Variants in ULK4 observed in about 807,000 individuals in gnomAD.
ULK4 encodes inactive serine/threonine-protein kinase ULK4.
A neutral mutation model predicts 160.6 loss-of-function variants in ULK4; 133 were observed. That is an observed-to-expected ratio of 0.83 (90% CI 0.72 to 0.96). ULK4 has a LOEUF of 0.96. Ranked by LOEUF, ULK4 falls within the 40% of genes least tolerant of loss-of-function variation. The pLI is 0.00. For missense variants in ULK4, 1,580 were observed against 1,499.5 expected (o/e 1.05, Z -0.89); for synonymous variants, 534 against 539.8 (o/e 0.99, Z 0.15).
Position 41,789,715 on chromosome 3 carries a change from T to G in ULK4, c.2139A>C (p.Leu713Phe). The G allele has an allele frequency of 6.2e-7, 1 of 1,611,940 alleles. No homozygotes were observed. The highest frequency in any genetic ancestry group is 1.1e-5 in the South Asian group (1 of 90,780). The change falls in exon 21 of 37, where the codon TTA becomes TTC. Residue 713 changes from leucine to phenylalanine, a missense_variant. By Grantham distance (22) the Leu-to-Phe change is conservative. Transcript: ENST00000301831. ...TCCCACAGGACAACATGGCAGCGAA[T>G]AAGGTCAACATGTACTGCTGAACTT... is the stretch of plus-strand genomic sequence containing the variant. ...ICKVQQYMLT[L>F]FAAMLSCGIH...
At chr3:41,606,801 T>A (rs1193586115) in intron 31 of ULK4, among the ~76,000 whole-genome samples, 1 of 152,106 alleles carries the variant, frequency 6.6e-6, no homozygotes, top group Non-Finnish European at 1.5e-5. Flanking sequence ...GCCCATTTTT[T>A]AACTGGATTA....
At chr3:41,609,147 T>A (rs1052293827) in intron 31 of ULK4, among the ~76,000 whole-genome samples, 1 of 152,194 alleles carries the variant, frequency 6.6e-6, no homozygotes, top group Non-Finnish European at 1.5e-5. Flanking sequence ...TTTTAGCTTT[T>A]TTTTTCATTG....
intron 33 of ULK4, among the ~76,000 whole-genome samples, chr3:41,459,690 G>T (rs558268527): frequency 6.6e-6 from 1 of 152,316 alleles, no homozygotes; most frequent in East Asian, 1.9e-4. Context: ...TGGGGACGGG[G>T]TCTACTAGAA....
intron 21 of ULK4, among the ~76,000 whole-genome samples, chr3:41,764,981 T>C (rs570039958): frequency 6.6e-6 from 1 of 152,198 alleles, no homozygotes; most frequent in Non-Finnish European, 1.5e-5. Flanking sequence ...AGTTCAACCA[T>C]TGTGGAAGCC....
At chr3:41,252,033 C>T (rs562277153) in intron 35 of ULK4, among the ~76,000 whole-genome samples, 3 of 152,252 alleles carry the variant, frequency 2.0e-5, no homozygotes, top group South Asian at 4.2e-4. Flanking sequence ...CCAGACTGAC[C>T]CCTGGGGAGG....
intron 18 of ULK4, among the ~76,000 whole-genome samples, chr3:41,826,291 C>T (rs1024558638): frequency 6.6e-6 from 1 of 152,066 alleles, no homozygotes; most frequent in African/African-American, 2.4e-5. Flanking sequence ...ATGACAGGAT[C>T]AAATTCACAC....
In ULK4 at chr3:41,381,308, C is replaced by T. The variant is rs1029340416; in HGVS notation, c.3678+16771G>A. Among the ~76,000 whole-genome samples, 6 of 152,318 alleles carry T rather than the reference C, an allele frequency of 3.9e-5. No individual in the cohort carries two copies. In the South Asian group the frequency reaches 1.2e-3, roughly 32 times the overall value. On this transcript the variant is annotated intron_variant, in intron 35 of 36. Coordinates refer to ENST00000301831, the MANE Select transcript of ULK4 (RefSeq NM_017886.4). ...ATACCTGGTCACTACCATTAACTGG[C>T]AACCCTTCCGGAATCCACATTCAAG... is the stretch of plus-strand genomic sequence containing the variant.
At chr3:41,807,495 G>A (rs1165118537) in intron 19 of ULK4, among the ~76,000 whole-genome samples, 1 of 152,120 alleles carries the variant, frequency 6.6e-6, no homozygotes, top group East Asian at 1.9e-4. Flanking sequence ...CATAGTTTTT[G>A]CATTTTGCTA....
chr3:41,651,558 G>C (rs577488138), intron 30 of ULK4, among the ~76,000 whole-genome samples: 1 of 152,246 alleles, frequency 6.6e-6, no homozygotes, highest in East Asian at 1.9e-4. Flanking sequence ...GTGACTCAAT[G>C]AATGAATGAA....
At chr3:41,751,447 C>T (rs1428181544) in intron 22 of ULK4, among the ~76,000 whole-genome samples, 1 of 152,152 alleles carries the variant, frequency 6.6e-6, no homozygotes, top group Non-Finnish European at 1.5e-5. Flanking sequence ...ATGGAGCCTA[C>T]CTTACCTCCC....
intron 1 of ULK4, among the ~76,000 whole-genome samples, chr3:41,955,054 G>A (rs1488537036): frequency 1.3e-5 from 2 of 152,354 alleles, no homozygotes; most frequent in African/African-American, 4.8e-5. Context: ...ACTTTGGGAG[G>A]CCGAGGCAGG....
At chr3:41,253,413 T>C (rs1167626893) in intron 35 of ULK4, among the ~76,000 whole-genome samples, 1 of 152,014 alleles carries the variant, frequency 6.6e-6, no homozygotes, top group East Asian at 1.9e-4. Flanking sequence ...AAGGCTTTTA[T>C]GTTCCATTTG....
In ULK4 at chr3:41,447,008, C is replaced by T. The variant is rs535431397; in HGVS notation, c.3492+8489G>A. ...TTGAGGCAGGAGAATTGCTTGAACCCGGGAGGTGGAGGTTGCAGTTAGCCG... is the reference window on the plus strand; with the variant it reads ...TTGAGGCAGGAGAATTGCTTGAACCTGGGAGGTGGAGGTTGCAGTTAGCCG... On this transcript the variant is annotated intron_variant, in intron 34 of 36. Transcript: ENST00000301831. Among the ~76,000 whole-genome samples, 100 of 137,210 alleles carry T rather than the reference C, an allele frequency of 7.3e-4. 1 individual carries two copies. The highest frequency in any genetic ancestry group is 8.5e-3 in the Middle Eastern group (2 of 236). The allele number at this position is 137,210 out of a possible 152,430, so 90.0% of individuals were successfully genotyped here.
chr3:41,599,426 G>A (rs910268136), intron 31 of ULK4, among the ~76,000 whole-genome samples: 7 of 152,144 alleles, frequency 4.6e-5, no homozygotes, highest in Admixed American at 2.0e-4. Context: ...ATACTCACAG[G>A]TTTCAGGGAT....
intron 35 of ULK4, among the ~76,000 whole-genome samples, chr3:41,362,953 T>TG: frequency 6.6e-6 from 1 of 152,230 alleles, no homozygotes. Context: ...TTCTGTGCAG[T>TG]GATGCAGTCT....
At chr3:41,766,740 T>C (rs892928063) in intron 21 of ULK4, 2 of 152,238 alleles carry the variant, frequency 1.3e-5, no homozygotes, top group African/African-American at 2.4e-5. Context: ...CTGTATACCC[T>C]TGACCGAAGT....
At chr3:41,259,770 A>G (rs375298118) in intron 35 of ULK4, 1 of 152,180 alleles carries the variant, frequency 6.6e-6, no homozygotes, top group South Asian at 2.1e-4. Context: ...TGAGTGTGCA[A>G]TAATATATGT....
intron 34 of ULK4, among the ~76,000 whole-genome samples, chr3:41,408,345 G>A (rs1575523575): frequency 6.8e-6 from 1 of 147,178 alleles, no homozygotes; most frequent in African/African-American, 2.5e-5. Flanking sequence ...GGAGAATGGC[G>A]TGAACCCAAG....
chr3:41,721,279 T>TTG (rs1553639844), intron 22 of ULK4, among the ~76,000 whole-genome samples: 10 of 98,918 alleles, frequency 1.0e-4, no homozygotes, highest in Admixed American at 1.1e-4. Context: ...TTTTTTTTTT[T>TTG]TTTTTGGGTT....
Sources: allele counts gnomAD v4.1 joint callset (sites outside exome capture counted in the v4.1 genomes callset), GRCh38; gene constraint gnomAD v4.1.1; transcripts MANE v1.5; gene names NCBI Gene and HGNC (gene_info 2026-07-23, HGNC 2026-07-21).